Variants in TENM4 observed in about 807,000 individuals in gnomAD.
TENM4 encodes teneurin transmembrane protein 4, also known as teneurin-4.
TENM4 carries 82 observed loss-of-function variants against 243.3 expected under a neutral mutation model. The ratio of observed to expected loss-of-function variants is 0.34; its 90% confidence interval spans 0.28 to 0.40. The LOEUF is 0.40. Among genes scored for constraint, TENM4 ranks in the 10% least tolerant of loss-of-function variants. The probability of loss-of-function intolerance (pLI) is 1.00; values close to 1 mark genes in which losing one functional copy is unlikely to be tolerated. For missense variants in TENM4, 3,138 were observed against 3,673.3 expected (o/e 0.85, Z 3.77); for synonymous variants, 1,412 against 1,456.3 (o/e 0.97, Z 0.69).
intron 6 of TENM4, among the ~76,000 whole-genome samples, chr11:78,987,954 C>T (rs1311375107): frequency 6.6e-6 from 1 of 152,180 alleles, no homozygotes; most frequent in African/African-American, 2.4e-5. Flanking sequence ...TACCTCTTGA[C>T]AACACAAGGG....
At chr11:78,782,064 C>T (rs1480132033) in intron 16 of TENM4, among the ~76,000 whole-genome samples, 1 of 152,214 alleles carries the variant, frequency 6.6e-6, no homozygotes, top group African/African-American at 2.4e-5. Context: ...GGAGGGATAA[C>T]CATAGCGTTA....
intron 2 of TENM4, among the ~76,000 whole-genome samples, chr11:79,289,084 A>G (rs642516): frequency 0.32 from 49,293 of 152,112 alleles, 8,193 homozygotes; most frequent in East Asian, 0.48. Context: ...CATAACACTC[A>G]AGACTTATTA....
chr11:78,674,256 C>A (rs139102267), intron 30 of TENM4, among the ~76,000 whole-genome samples: 11 of 152,288 alleles, frequency 7.2e-5, no homozygotes, highest in Admixed American at 1.3e-4. Flanking sequence ...TAAAAAAGTT[C>A]CCAGTTGTAT....
chr11:79,070,916 G>T (rs76727007), intron 4 of TENM4, among the ~76,000 whole-genome samples: 1 of 152,294 alleles, frequency 6.6e-6, no homozygotes, highest in African/African-American at 2.4e-5. Flanking sequence ...GTTACTCAGA[G>T]AATGTCCCTC....
Position 78,656,373 on chromosome 11 carries a change from G to T in TENM4, c.*1685C>A, listed in dbSNP as rs886421699. On this transcript the variant is annotated 3_prime_UTR_variant, in exon 34 of 34. Transcript: ENST00000278550. ...AGCCCAGCTTAAAAGGAAGCATTTGGCTTCCCCTCCCATCTCCCAGAGCCT... is the reference window on the plus strand; with the variant it reads ...AGCCCAGCTTAAAAGGAAGCATTTGTCTTCCCCTCCCATCTCCCAGAGCCT... 2.0e-5 allele frequency: 3 copies of T among 152,168 alleles called. No individual in the cohort carries two copies. The highest frequency in any genetic ancestry group is 4.8e-5 in the African/African-American group (2 of 41,432). The allele number at this position is 152,168 out of a possible 1,614,324, so 9.4% of individuals were successfully genotyped here.
chr11:79,019,172 T>C (rs1309498191), intron 6 of TENM4, among the ~76,000 whole-genome samples: 1 of 152,232 alleles, frequency 6.6e-6, no homozygotes, highest in African/African-American at 2.4e-5. Flanking sequence ...ATTGCCTGTT[T>C]GTACTGAAGA....
chr11:79,385,695 A>G (rs930644499), intron 1 of TENM4, among the ~76,000 whole-genome samples: 1 of 151,536 alleles, frequency 6.6e-6, no homozygotes, highest in Non-Finnish European at 1.5e-5. Context: ...GATTTGTGAG[A>G]TTTATCCATG....
At chr11:79,276,210 C>T (rs776890366) in intron 2 of TENM4, among the ~76,000 whole-genome samples, 7 of 152,292 alleles carry the variant, frequency 4.6e-5, no homozygotes, top group Non-Finnish European at 1.0e-4. Flanking sequence ...AAAGCTGTTG[C>T]CAAGTATACT....
intron 28 of TENM4, among the ~76,000 whole-genome samples, chr11:78,695,676 CTT>C (rs60299781): frequency 3.4e-5 from 5 of 146,660 alleles, no homozygotes; most frequent in African/African-American, 5.0e-5. Context: ...GACAGTTTTT[CTT>C]TTTTTTTTTC....
At chr11:79,307,092 G>GTCATACCAT (rs1856638394) in intron 1 of TENM4, among the ~76,000 whole-genome samples, 2 of 152,142 alleles carry the variant, frequency 1.3e-5, no homozygotes, top group African/African-American at 4.8e-5. Flanking sequence ...CCATGTGCAA[G>GTCATACCAT]GTGCTTCCAC....
intron 9 of TENM4, among the ~76,000 whole-genome samples, chr11:78,888,201 T>C (rs1164494278): frequency 6.6e-6 from 1 of 152,250 alleles, no homozygotes; most frequent in East Asian, 1.9e-4. Flanking sequence ...ATGTCATCAA[T>C]ATTCTCCATT....
chr11:78,882,744 G>A (rs547164033), intron 9 of TENM4, among the ~76,000 whole-genome samples: 26 of 152,316 alleles, frequency 1.7e-4, no homozygotes, highest in African/African-American at 5.5e-4. Flanking sequence ...ACCAAGAACT[G>A]CAATATTATT....
chr11:78,735,024 G>GCA (rs889982808), intron 20 of TENM4, among the ~76,000 whole-genome samples: 4 of 152,174 alleles, frequency 2.6e-5, no homozygotes, highest in African/African-American at 9.7e-5. Flanking sequence ...TCCACCATGT[G>GCA]GGAATGGGCC....
At chr11:78,811,579 C>G (rs591465) in intron 14 of TENM4, among the ~76,000 whole-genome samples, 1 of 49,476 alleles carries the variant, frequency 2.0e-5, no homozygotes, top group Non-Finnish European at 6.4e-5. Flanking sequence ...AACACACACA[C>G]ACACACACAC....
At chr11:78,840,518 T>C (rs1323836983) in intron 12 of TENM4, among the ~76,000 whole-genome samples, 1 of 152,234 alleles carries the variant, frequency 6.6e-6, no homozygotes, top group Non-Finnish European at 1.5e-5. Context: ...ACACTCATTG[T>C]GCTGGCGTTT....
intron 14 of TENM4, among the ~76,000 whole-genome samples, chr11:78,807,484 A>G (rs1377959604): frequency 6.6e-6 from 1 of 152,236 alleles, no homozygotes; most frequent in East Asian, 1.9e-4. Flanking sequence ...CACTGCATGG[A>G]AAAGGAGAAG....
rs574191827 is a variant in TENM4 at position 78,738,153 on chromosome 11, A to G, written c.2876+298T>C. On this transcript the variant is annotated intron_variant, in intron 20 of 33. Transcript: ENST00000278550. ...ATTTCTCAAGCTGTCTGTTCTGCAGAAAGTGGTTCGCATGACTGTTTTATA... is the reference window on the plus strand; with the variant it reads ...ATTTCTCAAGCTGTCTGTTCTGCAGGAAGTGGTTCGCATGACTGTTTTATA... 2.6e-5 allele frequency among the ~76,000 whole-genome samples: 4 copies of G among 152,348 alleles called. No homozygotes were observed. The South Asian group carries it at 8.3e-4, about 32-fold the overall frequency.
chr11:78,701,934 A>T lies in TENM4; in HGVS notation c.4679T>A (p.Ile1560Asn). ...AGGCTTGTTCTTCCGGATAAACCGAATTCGGATGTTCCCAAGGTCGGCCAC... is the reference window on the plus strand; with the variant it reads ...AGGCTTGTTCTTCCGGATAAACCGATTTCGGATGTTCCCAAGGTCGGCCAC... ...LYVADLGNIR[I>N]RFIRKNKPFL... is the part of the protein sequence containing the mutation. The change falls in exon 28 of 34, where the codon ATT (isoleucine) becomes AAT (asparagine). Residue 1560 changes from isoleucine (I) to asparagine (N), a missense_variant. Physicochemically the swap from Ile to Asn is moderately radical, Grantham distance 149 (BLOSUM62 -3). Around this residue, in one of 2 missense-constraint regions of TENM4, gnomAD observed 2,467 missense variants for 3,059.1 expected, o/e 0.81. Coordinates refer to ENST00000278550, the MANE Select transcript of TENM4 (RefSeq NM_001098816.3). 1 of 1,614,006 alleles carries T rather than the reference A, an allele frequency of 6.2e-7. No individual in the cohort carries two copies. The highest frequency in any genetic ancestry group is 8.5e-7 in the Non-Finnish European group (1 of 1,179,900).
chr11:79,401,834 G>A (rs56158925), intron 1 of TENM4, among the ~76,000 whole-genome samples: 11,915 of 152,232 alleles, frequency 0.078, 523 homozygotes, highest in East Asian at 0.13. Context: ...TTGGTGAGCA[G>A]GTTGAGTTGG....
Sources: gnomAD v4.1 joint callset for allele counts (sites outside exome capture counted in the v4.1 genomes callset) on GRCh38, gnomAD v4.1.1 for gene constraint, gnomAD v4.1.1 regional missense constraint, MANE v1.5 for transcripts, NCBI Gene and HGNC (gene_info 2026-07-23, HGNC 2026-07-21) for gene names.